Variants in HS6ST2 observed in about 807,000 individuals in gnomAD.
HS6ST2 encodes the protein heparan sulfate 6-O-sulfotransferase 2, also known as heparan-sulfate 6-O-sulfotransferase 2.
HS6ST2 carries 17 observed loss-of-function variants against 33.0 expected under a neutral mutation model. The observed-to-expected ratio is 0.52, with a 90% CI of 0.35 to 0.77. The LOEUF (loss-of-function observed/expected upper bound fraction) is 0.77, where lower values mean the gene tolerates loss of function less well. HS6ST2 is among the 30% of genes least tolerant of loss of function. The probability of loss-of-function intolerance (pLI) is 0.01; values close to 1 mark genes in which losing one functional copy is unlikely to be tolerated. For synonymous variants in HS6ST2, 248 were observed against 237.1 expected (o/e 1.05, Z -0.42); for missense variants, 519 against 551.7 (o/e 0.94, Z 0.59).
chrX:132,719,959 T>C (rs2064313788), intron 2 of HS6ST2, among the ~76,000 whole-genome samples: 1 of 112,518 alleles, frequency 8.9e-6, no homozygotes, highest in African/African-American at 3.2e-5. Flanking sequence ...GCTGCCTGTC[T>C]GACTGTGACA....
chrX:132,811,381 T>C (rs912141530), intron 2 of HS6ST2, among the ~76,000 whole-genome samples: 9 of 109,408 alleles, frequency 8.2e-5, no homozygotes, highest in African/African-American at 3.0e-4. Flanking sequence ...ATTAAGTATA[T>C]AGTTCAGTGG....
chrX:132,684,780 A>T (rs2064003011), intron 3 of HS6ST2, among the ~76,000 whole-genome samples: 1 of 111,248 alleles, frequency 9.0e-6, no homozygotes, highest in African/African-American at 3.3e-5. Context: ...AAGCACTCTG[A>T]TTTTCCTTGG....
chrX:132,734,848 G>A (rs767765377), intron 2 of HS6ST2, among the ~76,000 whole-genome samples: 10 of 112,326 alleles, frequency 8.9e-5, no homozygotes, highest in South Asian at 7.5e-4. Flanking sequence ...CCTGGATACC[G>A]TCTTTAGCTG....
At chrX:132,671,352 G>C (rs2063875470) in intron 3 of HS6ST2, among the ~76,000 whole-genome samples, 2 of 110,699 alleles carry the variant, frequency 1.8e-5, no homozygotes, top group African/African-American at 3.3e-5. Flanking sequence ...GGATGTTTTT[G>C]ATGTGTCTCA....
chrX:132,960,826 T>C (rs1301563675), upstream of HS6ST2, among the ~76,000 whole-genome samples: 2 of 111,752 alleles, frequency 1.8e-5, no homozygotes, highest in East Asian at 2.9e-4. Flanking sequence ...CAGGAATTCA[T>C]ATATCAGGGC....
intron 3 of HS6ST2, among the ~76,000 whole-genome samples, chrX:132,670,177 C>G (rs1357181488): frequency 9.0e-6 from 1 of 110,760 alleles, no homozygotes; most frequent in East Asian, 2.8e-4. Flanking sequence ...AAATATGTAT[C>G]TTTGCTTTTA....
At position 132,865,005 on chromosome X, in the gene HS6ST2, T is replaced by A. The variant is rs138562283; in HGVS notation, c.947+91803A>T. Among the ~76,000 whole-genome samples, 1,063 of 110,829 alleles carry A rather than the reference T, an allele frequency of 9.6e-3. 21 individuals carry two copies. In the East Asian group the frequency reaches 0.097, roughly 10 times the overall value. ...TTTTATTATTATTATACTTTAAATT[T>A]TAGGGTACATGTGCACCATGTGCAG... On this transcript the variant is annotated intron_variant, in intron 2 of 4. Transcript: ENST00000370833.
At chrX:132,896,069 C>T (rs1013243199) in intron 2 of HS6ST2, among the ~76,000 whole-genome samples, 10 of 110,884 alleles carry the variant, frequency 9.0e-5, no homozygotes, top group Non-Finnish European at 1.9e-4. Flanking sequence ...AAAGTCAAAA[C>T]AGTTGAACTC....
At chrX:132,672,815 T>G (rs1340343181) in intron 3 of HS6ST2, among the ~76,000 whole-genome samples, 1 of 112,462 alleles carries the variant, frequency 8.9e-6, no homozygotes, top group Non-Finnish European at 1.9e-5. Context: ...TGTTTCTGAT[T>G]GAATGATTTG....
intron 2 of HS6ST2, among the ~76,000 whole-genome samples, chrX:132,893,888 T>C (rs1177051007): frequency 9.0e-6 from 1 of 111,258 alleles, no homozygotes; most frequent in Non-Finnish European, 1.9e-5. Flanking sequence ...GCCCAAACCT[T>C]AACACTCCAG....
intron 2 of HS6ST2, among the ~76,000 whole-genome samples, chrX:132,919,859 C>T (rs1399471133): frequency 4.5e-5 from 5 of 111,965 alleles, no homozygotes; most frequent in East Asian, 2.8e-4. Context: ...ATTTGAAAAC[C>T]TGATTTACCC....
At chrX:132,841,568 GA>G (rs772139304) in intron 2 of HS6ST2, among the ~76,000 whole-genome samples, 60 of 111,915 alleles carry the variant, frequency 5.4e-4, no homozygotes, top group Non-Finnish European at 8.1e-4. Context: ...ATAGAATTAA[GA>G]GCAAACCAAA....
intron 2 of HS6ST2, among the ~76,000 whole-genome samples, chrX:132,915,808 A>G (rs1286465564): frequency 9.3e-6 from 1 of 108,014 alleles, no homozygotes; most frequent in Admixed American, 9.9e-5. Flanking sequence ...AGCTCACTGC[A>G]ACCTCCACCT....
intron 2 of HS6ST2, among the ~76,000 whole-genome samples, chrX:132,770,597 T>C (rs2064888637): frequency 8.9e-6 from 1 of 111,770 alleles, no homozygotes; most frequent in Admixed American, 9.6e-5. Flanking sequence ...GAGCTCTCCC[T>C]GGTGTTTTTC....
At chrX:132,958,067 G>A in intron 1 of HS6ST2, 108 bp downstream of exon 1, 9 of 807,475 alleles carry the variant, frequency 1.1e-5, no homozygotes, top group Admixed American at 4.1e-5. Flanking sequence ...CCAATGGCCA[G>A]CTGGAACTTT....
At chrX:132,810,001 C>T (rs2065324697) in intron 2 of HS6ST2, among the ~76,000 whole-genome samples, 1 of 111,740 alleles carries the variant, frequency 8.9e-6, no homozygotes, top group Admixed American at 9.5e-5. Context: ...ATAAGTGCTC[C>T]CTTCCCCACT....
At chrX:132,715,959 T>C (rs2064269919) in intron 2 of HS6ST2, among the ~76,000 whole-genome samples, 1 of 112,533 alleles carries the variant, frequency 8.9e-6, no homozygotes, top group African/African-American at 3.2e-5. Flanking sequence ...ACCTGGATCG[T>C]GTATTGCCAA....
chrX:132,701,456 A>T (rs941075278), intron 3 of HS6ST2, among the ~76,000 whole-genome samples: 2 of 112,106 alleles, frequency 1.8e-5, no homozygotes, highest in Non-Finnish European at 3.8e-5. Flanking sequence ...CTAGTCATGG[A>T]GTTGATTGTT....
At chrX:132,805,499 C>A (rs2065272721) in intron 2 of HS6ST2, among the ~76,000 whole-genome samples, 1 of 104,647 alleles carries the variant, frequency 9.6e-6, no homozygotes, top group Admixed American at 1.0e-4. Flanking sequence ...CTAGCCTCTT[C>A]CCTGACAGAG....
Sources: allele counts gnomAD v4.1 joint callset (sites outside exome capture counted in the v4.1 genomes callset), GRCh38; gene constraint gnomAD v4.1.1; transcripts MANE v1.5; gene names NCBI Gene and HGNC (gene_info 2026-07-23, HGNC 2026-07-21).